CLEC18B: variants seen among roughly 807,000 people sequenced by gnomAD.
CLEC18B encodes mannose receptor-like 2.
In CLEC18B, 5 loss-of-function variants were observed where a neutral mutation model predicts 60.4. The observed-to-expected ratio is 0.08, with a 90% CI of 0.04 to 0.17. The LOEUF (loss-of-function observed/expected upper bound fraction) is 0.17, where lower values mean the gene tolerates loss of function less well. CLEC18B is among the 10% of genes least tolerant of loss of function. The probability of loss-of-function intolerance (pLI) is 1.00; values close to 1 mark genes in which losing one functional copy is unlikely to be tolerated. For synonymous variants in CLEC18B, 16 were observed against 221.2 expected (o/e 0.07, Z 8.23); for missense variants, 26 against 572.8 (o/e 0.05, Z 9.74).
intron 10 of CLEC18B, 194 bp from the exon 11 acceptor site, chr16:74,409,835 T>G (rs2549216): frequency 0.79 from 1,132,487 of 1,428,680 alleles, 428,849 homozygotes; most frequent in Admixed American, 0.83. Context: ...CCTTCCTGGG[T>G]TAACAGCTCT....
At chr16:74,422,390 C>T (rs1219913384), upstream of CLEC18B, 2 of 152,046 alleles carry the variant, frequency 1.3e-5, no homozygotes, top group African/African-American at 4.8e-5. Context: ...CCCCTGAGCC[C>T]ACACCCTCTC....
upstream of CLEC18B, among the ~76,000 whole-genome samples, chr16:74,423,444 T>C (rs1216174190): frequency 6.6e-6 from 1 of 152,410 alleles, no homozygotes; most frequent in Non-Finnish European, 1.5e-5. Context: ...ATCCCAGAAC[T>C]CTGGGAGGCC....
At chr16:74,423,760 A>G (rs1050414506), upstream of CLEC18B, among the ~76,000 whole-genome samples, 89 of 148,350 alleles carry the variant, frequency 6.0e-4, no homozygotes, top group Non-Finnish European at 1.0e-3. Flanking sequence ...AGAGAAGCTG[A>G]GTGGATAAAA....
upstream of CLEC18B, among the ~76,000 whole-genome samples, chr16:74,424,027 G>T (rs551075479): frequency 0.013 from 1,977 of 151,950 alleles, 21 homozygotes; most frequent in African/African-American, 0.045. Flanking sequence ...GCTTTCCCCA[G>T]GTGAGGCTAC....
chr16:74,420,097 A>C (rs1050810335), intron 2 of CLEC18B, among the ~76,000 whole-genome samples: 20 of 152,150 alleles, frequency 1.3e-4, no homozygotes, highest in Admixed American at 1.3e-4. Context: ...CTTGCCGCAC[A>C]GAAGCCCCTC....
At chr16:74,422,536 G>A (rs1185502469), upstream of CLEC18B, 4 of 150,566 alleles carry the variant, frequency 2.7e-5, no homozygotes, top group African/African-American at 9.8e-5. Context: ...AGGCCATGAA[G>A]GCGGTCTGGA....
At chr16:74,421,833 C>A (rs1207226949), upstream of CLEC18B, 331 of 144,406 alleles carry the variant, frequency 2.3e-3, no homozygotes, top group Non-Finnish European at 3.9e-3. Flanking sequence ...TCCCAACCCC[C>A]CAGCCATGAA....
At chr16:74,417,198 G>A (rs1390095496) in intron 3 of CLEC18B, among the ~76,000 whole-genome samples, 1 of 148,384 alleles carries the variant, frequency 6.7e-6, no homozygotes, top group Non-Finnish European at 1.5e-5. Context: ...CTGGGAGGCA[G>A]AGGTTCTAGT....
rs548715863 is a variant in CLEC18B, at chr16:74,410,035, G to A, written c.1212-394C>T. On this transcript the variant is annotated intron_variant, in intron 10 of 11. Coordinates refer to ENST00000682950, the MANE Select transcript of CLEC18B (RefSeq NM_001385193.1). ...AATCGCTGGAGCCCTTGGTGGCCTC[G>A]CAGCCGGACCACCTCCACCCTGGCC... Among the ~76,000 whole-genome samples, 19 of 152,346 alleles carry A rather than the reference G, an allele frequency of 1.2e-4. No individual in the cohort carries two copies. The South Asian group carries it at 2.3e-3, about 18-fold the overall frequency.
rs553895805 is a variant in CLEC18B, at chr16:74,416,345, C to G, written c.456+1714G>C. Among the ~76,000 whole-genome samples, 57 of 152,070 alleles carry G rather than the reference C, an allele frequency of 3.7e-4. No individual in the cohort carries two copies. The East Asian group carries it at 0.011, about 28-fold the overall frequency. Reference sequence around the variant, plus strand: ...CTGGTCTGCACAGTTGGCGTAAGCACTTTGGCAGCACCTAGTTGTAGGGGC... The same window carrying G: ...CTGGTCTGCACAGTTGGCGTAAGCAGTTTGGCAGCACCTAGTTGTAGGGGC... On this transcript the variant is annotated intron_variant, in intron 3 of 11. Coordinates refer to ENST00000682950, the MANE Select transcript of CLEC18B (RefSeq NM_001385193.1).
rs1217677086 is a variant in CLEC18B, at chr16:74,411,143, TATC to T, written c.985-112_985-110del. 4 of 1,374,856 alleles carry T rather than the reference TATC, an allele frequency of 2.9e-6. No individual in the cohort carries two copies. The African/African-American group carries it at 4.4e-5, about 15-fold the overall frequency. The allele number at this position is 1,374,856 out of a possible 1,614,324, so 85.2% of individuals were successfully genotyped here. ...TGCCACGTGTGTGTGCTGGCCGGGC[TATC>T]ATCACCCCCAGCCCGCACAGCCTCC... On this transcript the variant is annotated intron_variant, in intron 8 of 11. Transcript: ENST00000682950.
chr16:74,417,107 A>G (rs2013448869), intron 3 of CLEC18B, among the ~76,000 whole-genome samples: 1 of 148,048 alleles, frequency 6.8e-6, no homozygotes, highest in African/African-American at 2.5e-5. Context: ...TCTACTAAAA[A>G]TACAAAAATT....
chr16:74,420,860 T>C (rs1346137286), intron 1 of CLEC18B, among the ~76,000 whole-genome samples: 7 of 117,654 alleles, frequency 5.9e-5, no homozygotes, highest in Non-Finnish European at 3.6e-5. Flanking sequence ...CAGGCCCCTG[T>C]CTGGGGCTCC....
At chr16:74,417,171 A>G (rs1377318627) in intron 3 of CLEC18B, among the ~76,000 whole-genome samples, 1 of 148,382 alleles carries the variant, frequency 6.7e-6, no homozygotes, top group Non-Finnish European at 1.5e-5. Context: ...AGGCTGAGGC[A>G]GGACAGTCAC....
intron 3 of CLEC18B, among the ~76,000 whole-genome samples, chr16:74,416,956 TG>T (rs2013441791): frequency 6.6e-6 from 1 of 151,956 alleles, no homozygotes; most frequent in Non-Finnish European, 1.5e-5. Flanking sequence ...TGGGTAAGAG[TG>T]GGGCCGTTTT....
intron 10 of CLEC18B, chr16:74,409,899 G>A (rs201953402): frequency 3.1e-6 from 5 of 1,611,960 alleles, no homozygotes; most frequent in African/African-American, 1.3e-5. Flanking sequence ...GGTGGGGATT[G>A]GAATAGACAG....
At chr16:74,417,482 G>T (rs2013466907) in intron 3 of CLEC18B, among the ~76,000 whole-genome samples, 1 of 101,756 alleles carries the variant, frequency 9.8e-6, no homozygotes, top group African/African-American at 4.0e-5. Context: ...GGGTGTAGAG[G>T]CGCACACCTG....
chr16:74,416,547 A>AT (rs1224132974), intron 3 of CLEC18B, among the ~76,000 whole-genome samples: 4 of 147,052 alleles, frequency 2.7e-5, no homozygotes, highest in Non-Finnish European at 3.0e-5. Flanking sequence ...TAATTTATGT[A>AT]TTTTTTTGTA....
intron 2 of CLEC18B, among the ~76,000 whole-genome samples, chr16:74,419,998 T>C (rs1283384813): frequency 1.3e-5 from 2 of 152,216 alleles, no homozygotes. Context: ...CTGCTGAAAA[T>C]GTGGAAAATG....
Sources: allele counts gnomAD v4.1 joint callset (sites outside exome capture counted in the v4.1 genomes callset), GRCh38; gene constraint gnomAD v4.1.1; transcripts MANE v1.5; gene names NCBI Gene and HGNC (gene_info 2026-07-23, HGNC 2026-07-21).